Variants in CENPS observed in about 807,000 individuals in gnomAD.
The protein encoded by CENPS is centromere protein S.
Under a neutral mutation model 17.9 loss-of-function variants are expected in CENPS, and 16 were observed. That is an observed-to-expected ratio of 0.90 (90% CI 0.61 to 1.36). The LOEUF (loss-of-function observed/expected upper bound fraction) is 1.36. Ranked by LOEUF, CENPS falls within the 40% of genes most tolerant of loss-of-function variation. The pLI, the probability that CENPS is intolerant of heterozygous loss-of-function variation, is 0.00. For synonymous variants in CENPS, 49 were observed against 55.8 expected (o/e 0.88, Z 0.54); for missense variants, 160 against 158.6 (o/e 1.01, Z -0.05).
rs1640033292 is a variant in CENPS, at chr1:10,433,890, G to A, written c.100G>A (p.Val34Ile). Reference protein sequence around the residue: ...HYTVGCLCEEVALDKEMQFSK... With the variant: ...HYTVGCLCEEIALDKEMQFSK... ...TACTGTGGGTTGTCTTTGCGAGGAAGTTGCATTGGACAAAGAGATGCAGTT... is the reference window on the plus strand; with the variant it reads ...TACTGTGGGTTGTCTTTGCGAGGAAATTGCATTGGACAAAGAGATGCAGTT... Residue 34 changes from valine (V) to isoleucine (I), a missense_variant, in exon 2 of 5, where the codon GTT becomes ATT. Physicochemically the swap from Val to Ile is conservative, Grantham distance 29. Transcript: ENST00000309048. The A allele has an allele frequency of 6.2e-7, 1 of 1,614,112 alleles. No individual in the cohort carries two copies.
chr1:10,441,102 T>C (rs1640388036), intron 4 of CENPS, among the ~76,000 whole-genome samples: 1 of 152,194 alleles, frequency 6.6e-6, no homozygotes, highest in South Asian at 2.1e-4. Context: ...TAAATAGTTG[T>C]TGAGTGAATG....
chr1:10,440,094 C>T, intron 3 of CENPS: 1 of 513,436 alleles, frequency 1.9e-6, no homozygotes, highest in South Asian at 2.6e-5. Context: ...TGTCTGTGCT[C>T]TTATGCTTCG....
chr1:10,432,834 G>T (rs995097514), intron 1 of CENPS, among the ~76,000 whole-genome samples: 5 of 152,204 alleles, frequency 3.3e-5, no homozygotes, highest in African/African-American at 9.6e-5. Flanking sequence ...GTTCGAGGCT[G>T]TAGTGTGCAG....
chr1:10,438,382 T>TG (rs2124278235), intron 3 of CENPS, among the ~76,000 whole-genome samples: 1 of 152,290 alleles, frequency 6.6e-6, no homozygotes, highest in Non-Finnish European at 1.5e-5. Flanking sequence ...TGACCTCAAA[T>TG]GATCCACCCA....
At chr1:10,437,479 T>G (rs1640220018) in intron 3 of CENPS, among the ~76,000 whole-genome samples, 1 of 151,494 alleles carries the variant, frequency 6.6e-6, no homozygotes, top group African/African-American at 2.4e-5. Flanking sequence ...TGTTTTTAGA[T>G]GGAGTCTCAC....
chr1:10,430,676 G>A lies in CENPS; in HGVS notation c.51+108G>A, dbSNP rs1420874843. On this transcript the variant is annotated intron_variant, in intron 1 of 4. Transcript: ENST00000309048. ...GGCTTCTCATCGGCACCCCGCCCCC[G>A]GGCGCCCCCCGCGGCTGCGCATGCG... is the stretch of plus-strand genomic sequence containing the variant. 3 of 1,439,558 alleles carry A rather than the reference G, an allele frequency of 2.1e-6. No individual in the cohort carries two copies. In the East Asian group the frequency reaches 8.6e-5, roughly 41 times the overall value. 89.2% of individuals were successfully genotyped at this position (1,439,558 alleles called of 1,614,324 possible).
rs745312672 is a variant in CENPS at position 10,442,413 on chromosome 1, C to T, written c.*8C>T. 3.1e-5 allele frequency: 48 copies of T among 1,564,868 alleles called. No homozygotes were observed. Among genetic ancestry groups the T allele is most frequent in the South Asian group, 2.2e-4 (18 of 82,226 alleles). On this transcript the variant is annotated 3_prime_UTR_variant, in exon 5 of 5. Transcript: ENST00000309048. Reference sequence around the variant, plus strand: ...GTGGAAAGTGAGAATTAAAGTCCCTCGCCGCTTGGAAAGTGCAGCCTTCTA... The same window carrying T: ...GTGGAAAGTGAGAATTAAAGTCCCTTGCCGCTTGGAAAGTGCAGCCTTCTA...
intron 1 of CENPS, among the ~76,000 whole-genome samples, chr1:10,431,838 A>AGCGAGACCCC (rs1639930855): frequency 7.1e-6 from 1 of 140,168 alleles, no homozygotes; most frequent in Non-Finnish European, 1.5e-5. Context: ...TGGGTGACAG[A>AGCGAGACCCC]GCGAGACTCC....
chr1:10,433,774 A>AT lies in CENPS; in HGVS notation c.52-62dup. ...TGAGCAGACCCTCTCCTTGGTCTTC[A>AT]TTTTTTAAGGCGTGAAAAGCTCTTA... On this transcript the variant is annotated intron_variant, in intron 1 of 4. Transcript: ENST00000309048. The AT allele has an allele frequency of 6.2e-6, 10 of 1,603,654 alleles. No individual in the cohort carries two copies. In the South Asian group the frequency reaches 1.0e-4, roughly 16 times the overall value.
intron 2 of CENPS, among the ~76,000 whole-genome samples, chr1:10,434,307 A>G (rs1640052711): frequency 6.6e-6 from 1 of 152,192 alleles, no homozygotes; most frequent in Non-Finnish European, 1.5e-5. Flanking sequence ...CTGAGCTTGT[A>G]GCATTGGTAT....
At chr1:10,438,404 CAA>C (rs1640268285) in intron 3 of CENPS, among the ~76,000 whole-genome samples, 1 of 152,228 alleles carries the variant, frequency 6.6e-6, no homozygotes, top group Admixed American at 6.5e-5. Flanking sequence ...CTCGGCCTCC[CAA>C]AGTCCTGGGA....
chr1:10,434,063 G>C (rs990385756), intron 2 of CENPS, 98 bp downstream of exon 2: 27 of 1,562,746 alleles, frequency 1.7e-5, no homozygotes, highest in Non-Finnish European at 2.3e-5. Context: ...AGTCTGACCA[G>C]CAGACCAAGA....
At position 10,437,709 on chromosome 1, in the gene CENPS, G is replaced by A. The variant is rs973578623; in HGVS notation, c.210-2638G>A. On this transcript the variant is annotated intron_variant, in intron 3 of 4. Transcript: ENST00000309048. ...TGACCTCAGGTGATCCACCCACCTC[G>A]GCCAGCCAAAGTGCTAAGATTACTG... is the stretch of plus-strand genomic sequence containing the variant. 9.3e-5 allele frequency among the ~76,000 whole-genome samples: 14 copies of A among 149,790 alleles called. No homozygotes were observed. The East Asian group carries it at 2.4e-3, about 26-fold the overall frequency.
Position 10,432,749 on chromosome 1 carries a change from G to A in CENPS, c.52-1093G>A, listed in dbSNP as rs1639978320. ...CCATACCTAAAAAAGATGACCTTGA[G>A]CCGGGCAGGGTGTTGTGGGCCTGTA... On this transcript the variant is annotated intron_variant, in intron 1 of 4. Transcript: ENST00000309048. Among the ~76,000 whole-genome samples the A allele has an allele frequency of 2.0e-5, 3 of 152,156 alleles. 1 individual carries two copies. In the South Asian group the frequency reaches 6.2e-4, roughly 32 times the overall value.
intron 1 of CENPS, among the ~76,000 whole-genome samples, chr1:10,432,384 C>T (rs11808235): frequency 0.013 from 1,908 of 152,328 alleles, 35 homozygotes; most frequent in African/African-American, 0.041. Context: ...TGTGCCCGGC[C>T]TGTTCTTAGT....
In CENPS at chr1:10,442,419, T is replaced by C. The variant is rs926812845; in HGVS notation, c.*14T>C. 14 of 1,561,818 alleles carry C rather than the reference T, an allele frequency of 9.0e-6. No individual in the cohort carries two copies. The highest frequency in any genetic ancestry group is 2.2e-5 in the Admixed American group (1 of 44,890). On this transcript the variant is annotated 3_prime_UTR_variant, in exon 5 of 5. Coordinates refer to ENST00000309048, the MANE Select transcript of CENPS (RefSeq NM_199294.3). ...AGTGAGAATTAAAGTCCCTCGCCGC[T>C]TGGAAAGTGCAGCCTTCTACAGGTA...
rs185524784 is a variant in CENPS at position 10,434,105 on chromosome 1, C to T, written c.175+140C>T. ...TCATCCTCATGCGTTCTTCGTGAAACACTTCTCTTCTTGGCTGTGAGATGT... is the reference window on the plus strand; with the variant it reads ...TCATCCTCATGCGTTCTTCGTGAAATACTTCTCTTCTTGGCTGTGAGATGT... On this transcript the variant is annotated intron_variant, in intron 2 of 4. Transcript: ENST00000309048. 4.0e-4 allele frequency: 587 copies of T among 1,474,478 alleles called. No individual in the cohort carries two copies. In the African/African-American group the frequency reaches 6.4e-3, roughly 16 times the overall value. The allele number at this position is 1,474,478 out of a possible 1,614,324, so 91.3% of individuals were successfully genotyped here.
intron 3 of CENPS, among the ~76,000 whole-genome samples, chr1:10,436,872 C>T (rs913912406): frequency 3.2e-4 from 48 of 152,100 alleles, no homozygotes; most frequent in African/African-American, 1.1e-3. Context: ...GTACAGGTTT[C>T]CTTTGAAGAC....
chr1:10,435,731 A>ACACACACG (rs1403119869), intron 3 of CENPS, among the ~76,000 whole-genome samples: 1 of 151,454 alleles, frequency 6.6e-6, no homozygotes, highest in Non-Finnish European at 1.5e-5. Flanking sequence ...ACACACACAC[A>ACACACACG]CACACATATA....
Sources: allele counts gnomAD v4.1 joint callset (sites outside exome capture counted in the v4.1 genomes callset), GRCh38; gene constraint gnomAD v4.1.1; transcripts MANE v1.5; gene names NCBI Gene and HGNC (gene_info 2026-07-23, HGNC 2026-07-21).